GRIK2: variants seen among roughly 807,000 people sequenced by gnomAD.
GRIK2 encodes the protein glutamate ionotropic receptor kainate type subunit 2.
GRIK2 carries 32 observed loss-of-function variants against 100.3 expected under a neutral mutation model. That is an observed-to-expected ratio of 0.32 (90% confidence interval 0.24 to 0.43). GRIK2 has a LOEUF of 0.43. GRIK2 is among the 20% of genes least tolerant of loss of function. The pLI, the probability that GRIK2 is intolerant of heterozygous loss-of-function variation, is 1.00. For missense variants in GRIK2, 843 were observed against 1,114.9 expected (o/e 0.76, Z 3.47); for synonymous variants, 417 against 389.4 (o/e 1.07, Z -0.83).
chr6:101,505,060 GTTT>G (rs5878668), intron 2 of GRIK2, among the ~76,000 whole-genome samples: 3 of 145,022 alleles, frequency 2.1e-5, no homozygotes, highest in Non-Finnish European at 3.1e-5. Flanking sequence ...AGTTTTTTTT[GTTT>G]TTTTTTTTGT....
At chr6:101,761,353 C>CTTT (rs533556023) in intron 7 of GRIK2, among the ~76,000 whole-genome samples, 4 of 151,520 alleles carry the variant, frequency 2.6e-5, no homozygotes, top group African/African-American at 9.7e-5. Context: ...GTCATTTCTT[C>CTTT]TTTTTTTTTC....
chr6:102,014,038 G>A (rs1312642160), intron 14 of GRIK2, among the ~76,000 whole-genome samples: 1 of 92,728 alleles, frequency 1.1e-5, no homozygotes, highest in Non-Finnish European at 2.6e-5. Flanking sequence ...AGTAGAATTT[G>A]GTTATGATTC....
intron 12 of GRIK2, among the ~76,000 whole-genome samples, chr6:101,904,107 T>C (rs1317158583): frequency 6.6e-6 from 1 of 151,494 alleles, no homozygotes; most frequent in Non-Finnish European, 1.5e-5. Flanking sequence ...AATTTTATGT[T>C]CTCTATTAGT....
chr6:101,472,857 A>ATTT (rs1448459133), intron 2 of GRIK2, among the ~76,000 whole-genome samples: 7 of 151,782 alleles, frequency 4.6e-5, no homozygotes, highest in Non-Finnish European at 1.0e-4. Context: ...AAAGCAACAA[A>ATTT]TTGTATTTAT....
chr6:101,745,589 A>C (rs1776376748), intron 7 of GRIK2, among the ~76,000 whole-genome samples: 1 of 152,182 alleles, frequency 6.6e-6, no homozygotes, highest in South Asian at 2.1e-4. Flanking sequence ...CACAGTATAA[A>C]ATTTAGTTTT....
intron 2 of GRIK2, among the ~76,000 whole-genome samples, chr6:101,597,059 A>G (rs1778961998): frequency 6.6e-6 from 1 of 151,942 alleles, no homozygotes; most frequent in African/African-American, 2.4e-5. Context: ...CTATGCAGCC[A>G]TAGAAAACAA....
At chr6:101,676,104 A>G (rs1181124856) in intron 4 of GRIK2, among the ~76,000 whole-genome samples, 5 of 152,194 alleles carry the variant, frequency 3.3e-5, no homozygotes, top group African/African-American at 1.2e-4. Context: ...TCACAAAACA[A>G]TTATTAATGT....
At chr6:101,637,206 C>T (rs989487286) in intron 4 of GRIK2, among the ~76,000 whole-genome samples, 20 of 152,020 alleles carry the variant, frequency 1.3e-4, no homozygotes, top group African/African-American at 4.6e-4. Flanking sequence ...TCATTTGACT[C>T]GTGTTTCTGT....
At chr6:101,769,639 G>C (rs1335975515) in intron 7 of GRIK2, among the ~76,000 whole-genome samples, 1 of 152,118 alleles carries the variant, frequency 6.6e-6, no homozygotes, top group African/African-American at 2.4e-5. Context: ...ATCTTTTTGA[G>C]TTTCTTTCTA....
intron 15 of GRIK2, among the ~76,000 whole-genome samples, chr6:102,039,966 C>A (rs1770480421): frequency 1.3e-5 from 2 of 151,422 alleles, no homozygotes; most frequent in South Asian, 2.1e-4. Flanking sequence ...GAATTGTGCT[C>A]ATATTTGTGC....
intron 2 of GRIK2, among the ~76,000 whole-genome samples, chr6:101,593,108 T>A (rs1778752958): frequency 6.6e-6 from 1 of 151,892 alleles, no homozygotes; most frequent in Admixed American, 6.6e-5. Context: ...CTATGGGTGT[T>A]TGAAGGTGTT....
At chr6:101,633,105 G>T (rs181131324) in intron 4 of GRIK2, among the ~76,000 whole-genome samples, 1 of 152,038 alleles carries the variant, frequency 6.6e-6, no homozygotes, top group Admixed American at 6.6e-5. Flanking sequence ...AAAAGCTAGC[G>T]TAGGAGAGAT....
chr6:102,026,275 CT>C (rs1769702643), intron 14 of GRIK2, among the ~76,000 whole-genome samples: 1 of 150,192 alleles, frequency 6.7e-6, no homozygotes. Context: ...GCTTTATGGA[CT>C]GTCAAAATGG....
chr6:101,551,346 C>T (rs1776499839), intron 2 of GRIK2, among the ~76,000 whole-genome samples: 1 of 152,002 alleles, frequency 6.6e-6, no homozygotes, highest in South Asian at 2.1e-4. Context: ...CCCATAAATC[C>T]TTCTAAGTTA....
intron 7 of GRIK2, among the ~76,000 whole-genome samples, chr6:101,783,996 G>A (rs889766151): frequency 2.0e-5 from 3 of 152,322 alleles, no homozygotes; most frequent in Non-Finnish European, 4.4e-5. Flanking sequence ...ATAAAGGTTT[G>A]GGAAATTTGC....
At chr6:101,623,612 A>G (rs1780282530) in intron 3 of GRIK2, among the ~76,000 whole-genome samples, 1 of 152,142 alleles carries the variant, frequency 6.6e-6, no homozygotes, top group South Asian at 2.1e-4. Flanking sequence ...AAAAAAACAC[A>G]GGTTCGGATG....
At chr6:101,612,100 C>T (rs927501807) in intron 2 of GRIK2, among the ~76,000 whole-genome samples, 2 of 151,744 alleles carry the variant, frequency 1.3e-5, no homozygotes, top group Non-Finnish European at 2.9e-5. Context: ...GACTGAGGTC[C>T]CTCGTGTCTT....
At chr6:101,591,409 A>G (rs1490182610) in intron 2 of GRIK2, among the ~76,000 whole-genome samples, 2 of 151,692 alleles carry the variant, frequency 1.3e-5, no homozygotes, top group Admixed American at 1.3e-4. Flanking sequence ...CTGCCAAATC[A>G]TATCTCAAGA....
At chr6:101,414,396 A>G (rs1327492980) in intron 2 of GRIK2, among the ~76,000 whole-genome samples, 5 of 152,226 alleles carry the variant, frequency 3.3e-5, no homozygotes, top group South Asian at 4.1e-4. Flanking sequence ...GATTATATAT[A>G]TGAAATTATT....
Sources: gnomAD v4.1 joint callset for allele counts (sites outside exome capture counted in the v4.1 genomes callset) on GRCh38, gnomAD v4.1.1 for gene constraint, MANE v1.5 for transcripts, NCBI Gene and HGNC (gene_info 2026-07-23, HGNC 2026-07-21) for gene names.